Variants in TOP1 observed in about 807,000 individuals in gnomAD.
TOP1 encodes the protein DNA topoisomerase I.
A neutral mutation model predicts 111.1 loss-of-function variants in TOP1; 10 were observed. The ratio of observed to expected loss-of-function variants is 0.09; its 90% CI spans 0.06 to 0.15. The LOEUF is 0.15. Among genes scored for constraint, TOP1 ranks in the 10% least tolerant of loss-of-function variants. TOP1 has a pLI of 1.00. For synonymous variants in TOP1, 271 were observed against 302.9 expected (o/e 0.89, Z 1.10); for missense variants, 474 against 926.7 (o/e 0.51, Z 6.34).
At chr20:41,099,626 T>G (rs928258412) in intron 11 of TOP1, among the ~76,000 whole-genome samples, 4 of 152,168 alleles carry the variant, frequency 2.6e-5, no homozygotes, top group African/African-American at 4.8e-5. Flanking sequence ...GACAGATCTG[T>G]CTGAGCTTAA....
rs749698330 is a variant in TOP1 at position 41,113,722 on chromosome 20, AAAAAAAAAAAT to A, written c.1453-242_1453-232del. Among the ~76,000 whole-genome samples, 10 of 151,412 alleles carry A rather than the reference AAAAAAAAAAAT, an allele frequency of 6.6e-5. No homozygotes were observed. In the East Asian group the frequency reaches 1.8e-3, roughly 27 times the overall value. On this transcript the variant is annotated intron_variant, in intron 14 of 20. Coordinates refer to ENST00000361337, the MANE Select transcript of TOP1 (RefSeq NM_003286.4). ...CCATCTCTACTAAAAATACAAAAAA[AAAAAAAAAAAT>A]AAAAATTGGCGTGGTGGCGGGCGCC...
Position 41,061,128 on chromosome 20 carries a change from G to A in TOP1, c.59-266G>A, listed in dbSNP as rs12624329. Among the ~76,000 whole-genome samples the A allele has an allele frequency of 0.041, 6,234 of 152,208 alleles. 696 individuals carry two copies. In the East Asian group the frequency reaches 0.46, roughly 11 times the overall value. On this transcript the variant is annotated intron_variant, in intron 2 of 20. Transcript: ENST00000361337. The surrounding 1 kb of genome is among the most constrained non-coding windows in gnomAD (Gnocchi z 4.6). The stretch of plus-strand genomic sequence containing the variant: ...TAGTATTATGTCTAGGGAGAAAAAC[G>A]CCAAACTGTGGCTTCTTTCCACAGA...
At chr20:41,091,045 T>C (rs1258454442) in intron 8 of TOP1, among the ~76,000 whole-genome samples, 6 of 152,240 alleles carry the variant, frequency 3.9e-5, no homozygotes, top group African/African-American at 1.4e-4. Flanking sequence ...TTGAATGGTC[T>C]TAAGCATCTT....
chr20:41,092,555 C>T lies in TOP1; in HGVS notation c.698C>T (p.Pro233Leu), dbSNP rs761392193. 2 of 1,595,208 alleles carry T rather than the reference C, an allele frequency of 1.3e-6. No individual in the cohort carries two copies. Among genetic ancestry groups the T allele is most frequent in the Admixed American group, 1.8e-5 (1 of 56,224 alleles). ...CCAGTATTTGCCCCACCATATGAGC[C>T]TCTTCCAGAGAATGTCAAGTTTTAT... ...KGPVFAPPYE[P>L]LPENVKFYYD... is the part of the protein sequence containing the mutation. Residue 233 changes from proline to leucine, a missense_variant, in exon 9 of 21, where the codon CCT becomes CTT. This residue lies in a region of TOP1 where 84 missense variants were observed against 119.2 expected (regional missense o/e 0.70). Transcript: ENST00000361337. The surrounding 1 kb of genome is among the most constrained non-coding windows in gnomAD (Gnocchi z 4.3).
chr20:41,052,664 A>G (rs953346424), intron 2 of TOP1, among the ~76,000 whole-genome samples: 1 of 152,158 alleles, frequency 6.6e-6, no homozygotes, highest in African/African-American at 2.4e-5. Flanking sequence ...CTAGAGTTAC[A>G]AGAAGTTAGA....
intron 2 of TOP1, among the ~76,000 whole-genome samples, chr20:41,036,752 G>GGTCAC (rs1333455279): frequency 6.6e-6 from 1 of 151,972 alleles, no homozygotes; most frequent in African/African-American, 2.4e-5. Context: ...GTTACAAAGC[G>GGTCAC]GTCACTGTAA....
At chr20:41,113,721 AAAAAAAAAAAAT>A (rs940364067) in intron 14 of TOP1, among the ~76,000 whole-genome samples, 3 of 151,214 alleles carry the variant, frequency 2.0e-5, no homozygotes, top group Non-Finnish European at 4.4e-5. Context: ...AATACAAAAA[AAAAAAAAAAAAT>A]AAAAATTGGC....
At chr20:41,119,238 C>A (rs1274009640) in intron 18 of TOP1, among the ~76,000 whole-genome samples, 9 of 152,178 alleles carry the variant, frequency 5.9e-5, no homozygotes, top group Non-Finnish European at 1.3e-4. Flanking sequence ...AGATGTCTAA[C>A]ATCTATTGAT....
chr20:41,036,827 C>A (rs1600551377), intron 2 of TOP1, among the ~76,000 whole-genome samples: 1 of 39,454 alleles, frequency 2.5e-5, no homozygotes. Context: ...CTAGTTCCTA[C>A]TTTTCTTTTT....
At position 41,097,199 on chromosome 20, in the gene TOP1, T is replaced by C; in HGVS notation, c.731-21T>C. On this transcript the variant is annotated intron_variant, in intron 9 of 20. Transcript: ENST00000361337. This position sits in a 1 kb window ranked among gnomAD's most constrained non-coding sequence, Gnocchi z 4.2. ...AACATGAATACTATACCTCACTTTT[T>C]GGAACCACTTTTTTCTCTAGGTAAA... The C allele has an allele frequency of 6.2e-7, 1 of 1,609,918 alleles. No individual in the cohort carries two copies. The highest frequency in any genetic ancestry group is 8.5e-7 in the Non-Finnish European group (1 of 1,179,062).
intron 3 of TOP1, among the ~76,000 whole-genome samples, chr20:41,062,445 C>T (rs1019551561): frequency 6.6e-6 from 1 of 152,168 alleles, no homozygotes; most frequent in African/African-American, 2.4e-5. Flanking sequence ...ATGTATCATG[C>T]CTGTGGCCTT....
intron 3 of TOP1, among the ~76,000 whole-genome samples, chr20:41,070,943 A>G (rs1228856785): frequency 6.6e-6 from 1 of 152,210 alleles, no homozygotes; most frequent in Non-Finnish European, 1.5e-5. Flanking sequence ...TGTGAAATGA[A>G]GATACCAGTA....
intron 4 of TOP1, 116 bp downstream of exon 4, chr20:41,076,410 G>A: frequency 7.1e-7 from 1 of 1,409,012 alleles, no homozygotes. Context: ...AAGGTTTCTT[G>A]TCAGGAGAAT....
chr20:41,080,242 G>A lies in TOP1; in HGVS notation c.431+62G>A. The A allele has an allele frequency of 2.0e-6, 2 of 1,007,038 alleles. No individual in the cohort carries two copies. The highest frequency in any genetic ancestry group is 3.0e-6 in the Non-Finnish European group (2 of 667,386). The allele number at this position is 1,007,038 out of a possible 1,614,324, so 62.4% of individuals were successfully genotyped here. On this transcript the variant is annotated intron_variant, in intron 6 of 20. Transcript: ENST00000361337. The surrounding 1 kb of genome is among the most constrained non-coding windows in gnomAD (Gnocchi z 5.0). ...AAAAGGAGGAGTTTAAAGAATAAAT[G>A]TGATGTGTTTCTTTATAATACATAT... is the stretch of plus-strand genomic sequence containing the variant.
At chr20:41,050,153 A>C (rs2033386305) in intron 2 of TOP1, among the ~76,000 whole-genome samples, 1 of 152,184 alleles carries the variant, frequency 6.6e-6, no homozygotes, top group Non-Finnish European at 1.5e-5. Flanking sequence ...AGTAGCTGGG[A>C]TTACAGGTGT....
intron 13 of TOP1, among the ~76,000 whole-genome samples, chr20:41,104,125 A>G (rs555038468): frequency 6.6e-6 from 1 of 152,234 alleles, no homozygotes; most frequent in Non-Finnish European, 1.5e-5. Flanking sequence ...ACAGGAGAGC[A>G]TGAGGAGCAT....
rs1600609410 is a variant in TOP1, at chr20:41,123,119, C to T, written c.2196-76C>T. 5.4e-6 allele frequency: 5 copies of T among 924,562 alleles called. No individual in the cohort carries two copies. Among genetic ancestry groups the T allele is most frequent in the East Asian group, 2.5e-5 (1 of 40,310 alleles). 57.3% of individuals were successfully genotyped at this position (924,562 alleles called of 1,614,324 possible). A position where few individuals can be genotyped will look rare whatever the true frequency, so the allele number is the denominator to read the frequency against. ...GACAGATGTGAAAGAGAAGATGGAA[C>T]ATCTGACCCTGGGCCTCAGATATGG... is the stretch of plus-strand genomic sequence containing the variant. On this transcript the variant is annotated intron_variant, in intron 20 of 20. Coordinates refer to ENST00000361337, the MANE Select transcript of TOP1 (RefSeq NM_003286.4). The surrounding 1 kb of genome is among the most constrained non-coding windows in gnomAD (Gnocchi z 5.8).
In TOP1 at chr20:41,046,516, C is replaced by T. The variant is rs1247654132; in HGVS notation, c.59-14878C>T. Among the ~76,000 whole-genome samples, 1 of 152,218 alleles carries T rather than the reference C, an allele frequency of 6.6e-6. No individual in the cohort carries two copies. Among genetic ancestry groups the T allele is most frequent in the African/African-American group, 2.4e-5 (1 of 41,444 alleles). On this transcript the variant is annotated intron_variant, in intron 2 of 20. Coordinates refer to ENST00000361337, the MANE Select transcript of TOP1 (RefSeq NM_003286.4). The surrounding 1 kb of genome is among the most constrained non-coding windows in gnomAD (Gnocchi z 4.3). ...TCACTTATGATGTGTCCTTAACAGA[C>T]TAAATGCAGGCTCTGCTGCACTTTA...
At position 41,067,945 on chromosome 20, in the gene TOP1, G is replaced by C. The variant is rs1232348061; in HGVS notation, c.155+6455G>C. On this transcript the variant is annotated intron_variant, in intron 3 of 20. Transcript: ENST00000361337. This position sits in a 1 kb window ranked among gnomAD's most constrained non-coding sequence, Gnocchi z 4.0. ...TCATTTCATCTTGTCTTCTCTTTGT[G>C]TGGACAGGAGTCTGAGGTCACATGC... Among the ~76,000 whole-genome samples the C allele has an allele frequency of 6.6e-6, 1 of 152,176 alleles. No homozygotes were observed. The highest frequency in any genetic ancestry group is 1.5e-5 in the Non-Finnish European group (1 of 68,030).
Sources: allele counts gnomAD v4.1 joint callset (sites outside exome capture counted in the v4.1 genomes callset), GRCh38; gene constraint gnomAD v4.1.1; regional missense constraint gnomAD v4.1.1; non-coding constraint Gnocchi (gnomAD v3.1); transcripts MANE v1.5; gene names NCBI Gene and HGNC (gene_info 2026-07-23, HGNC 2026-07-21).